Variants in SCN9A observed in about 807,000 individuals in gnomAD.
SCN9A encodes the protein sodium channel protein type 9 subunit alpha.
Under a neutral mutation model 187.0 loss-of-function variants are expected in SCN9A, and 131 were observed. That is an observed-to-expected ratio of 0.70 (90% CI 0.61 to 0.81). SCN9A has a LOEUF of 0.81. SCN9A is among the 30% of genes least tolerant of loss of function. The pLI, the probability that SCN9A is intolerant of heterozygous loss-of-function variation, is 0.00. For missense variants in SCN9A, 2,252 were observed against 2,396.6 expected (o/e 0.94, Z 1.26); for synonymous variants, 809 against 808.6 (o/e 1.00, Z -0.01).
intron 1 of SCN9A, among the ~76,000 whole-genome samples, chr2:166,316,771 G>A (rs538381958): frequency 2.0e-5 from 3 of 152,214 alleles, no homozygotes; most frequent in Middle Eastern, 3.4e-3. Context: ...ACGTGAATTC[G>A]TTTATATTGC....
At chr2:166,293,980 C>T (rs1271078853) in intron 8 of SCN9A, among the ~76,000 whole-genome samples, 1 of 152,128 alleles carries the variant, frequency 6.6e-6, no homozygotes, top group Non-Finnish European at 1.5e-5. Context: ...CCAGTTTATT[C>T]CTATGTTGCC....
chr2:166,292,582 A>G (rs1245502558), intron 9 of SCN9A, among the ~76,000 whole-genome samples: 5 of 152,174 alleles, frequency 3.3e-5, no homozygotes, highest in East Asian at 1.9e-4. Context: ...TATGTGTACT[A>G]TAGAATAATC....
At chr2:166,210,613 A>G (rs2106358048) in intron 24 of SCN9A, among the ~76,000 whole-genome samples, 1 of 151,752 alleles carries the variant, frequency 6.6e-6, no homozygotes, top group East Asian at 1.9e-4. Flanking sequence ...ATGGGACATC[A>G]TTAAGTGGAA....
intron 24 of SCN9A, among the ~76,000 whole-genome samples, chr2:166,213,780 G>A (rs1456440228): frequency 3.3e-5 from 5 of 152,136 alleles, no homozygotes; most frequent in East Asian, 3.9e-4. Context: ...TCTCATGGAC[G>A]TACCAAGTAA....
At chr2:166,338,357 T>C (rs937526481) in intron 1 of SCN9A, among the ~76,000 whole-genome samples, 1 of 152,082 alleles carries the variant, frequency 6.6e-6, no homozygotes, top group Non-Finnish European at 1.5e-5. Context: ...TTTTTCTCTT[T>C]CGGTGCTCTT....
intron 17 of SCN9A, among the ~76,000 whole-genome samples, chr2:166,264,873 A>G (rs1360745785): frequency 2.0e-5 from 3 of 151,984 alleles, no homozygotes; most frequent in Non-Finnish European, 2.9e-5. Flanking sequence ...AAAGAAAATA[A>G]TATCTCAGAA....
intron 20 of SCN9A, among the ~76,000 whole-genome samples, chr2:166,237,387 C>T (rs115165622): frequency 0.021 from 3,135 of 151,844 alleles, 120 homozygotes; most frequent in African/African-American, 0.072. Context: ...ATGTATTTTC[C>T]ATCATCCAAG....
intron 1 of SCN9A, among the ~76,000 whole-genome samples, chr2:166,331,327 G>A (rs1244522812): frequency 1.3e-5 from 2 of 152,108 alleles, no homozygotes; most frequent in African/African-American, 4.8e-5. Context: ...ATTTCTCTGA[G>A]TTTTACAACT....
At chr2:166,278,004 T>A (rs1489559325) in intron 15 of SCN9A, 136 bp downstream of exon 15, 1 of 632,626 alleles carries the variant, frequency 1.6e-6, no homozygotes, top group Non-Finnish European at 2.6e-6. Flanking sequence ...TGTCAATGAA[T>A]GGATTTTATT....
intron 1 of SCN9A, among the ~76,000 whole-genome samples, chr2:166,331,432 G>C (rs1241497779): frequency 6.6e-6 from 1 of 152,168 alleles, no homozygotes; most frequent in African/African-American, 2.4e-5. Flanking sequence ...TAAGATATCA[G>C]AGCCTGTACA....
intron 20 of SCN9A, among the ~76,000 whole-genome samples, chr2:166,235,046 G>T (rs79042869): frequency 0.021 from 3,143 of 152,228 alleles, 120 homozygotes; most frequent in African/African-American, 0.072. Context: ...CCACCAGCAA[G>T]AAAGTTCCCA....
intron 18 of SCN9A, among the ~76,000 whole-genome samples, chr2:166,244,136 T>A (rs116838518): frequency 1.3e-5 from 2 of 151,972 alleles, no homozygotes; most frequent in African/African-American, 4.8e-5. Flanking sequence ...TGCCTGTGAA[T>A]TGTTTAAATA....
intron 17 of SCN9A, among the ~76,000 whole-genome samples, chr2:166,271,216 G>C (rs1696969458): frequency 6.6e-6 from 1 of 152,000 alleles, no homozygotes; most frequent in African/African-American, 2.4e-5. Context: ...AATGAGAAGG[G>C]ACTACATCCA....
chr2:166,233,683 A>C (rs1436567024), intron 20 of SCN9A, among the ~76,000 whole-genome samples: 1 of 152,244 alleles, frequency 6.6e-6, no homozygotes, highest in East Asian at 1.9e-4. Context: ...ATGTAAGCAA[A>C]GTAAGTTGTT....
intron 19 of SCN9A, among the ~76,000 whole-genome samples, chr2:166,239,692 C>T (rs867555545): frequency 5.9e-5 from 9 of 152,078 alleles, no homozygotes; most frequent in East Asian, 1.9e-4. Flanking sequence ...CCATCTAAAC[C>T]GAAACTATGG....
intron 24 of SCN9A, among the ~76,000 whole-genome samples, chr2:166,217,089 G>T (rs1694363485): frequency 6.6e-6 from 1 of 152,000 alleles, no homozygotes; most frequent in Non-Finnish European, 1.5e-5. Context: ...CAGCAAAGGT[G>T]CAAAGAATAA....
At chr2:166,369,847 T>A (rs892944699) in intron 1 of SCN9A, among the ~76,000 whole-genome samples, 4 of 152,210 alleles carry the variant, frequency 2.6e-5, no homozygotes, top group Non-Finnish European at 5.9e-5. Context: ...AATTTTAATT[T>A]TTTTGTAGAA....
At chr2:166,312,584 T>A (rs991159077) in intron 1 of SCN9A, among the ~76,000 whole-genome samples, 1 of 152,184 alleles carries the variant, frequency 6.6e-6, no homozygotes, top group African/African-American at 2.4e-5. Flanking sequence ...AGATTTTCAA[T>A]TTACTTTTCC....
chr2:166,204,450 G>A lies in SCN9A; in HGVS notation c.4413C>T (p.Asp1471=), dbSNP rs727504144. 1.3e-6 allele frequency: 2 copies of A among 1,572,602 alleles called. No individual in the cohort carries two copies. Among genetic ancestry groups the A allele is most frequent in the Non-Finnish European group, 1.7e-6 (2 of 1,165,996 alleles). ...TCTTCTGTTCTTCTGTCATAAAGAT[G>A]TCTTGACCTCCAAGGTAAAGAAACA... ...NQQKKKLGGQ[D]IFMTEEQKKY... is the part of the protein sequence containing the mutation. The change falls in exon 25 of 27, where the codon GAC becomes GAT. Residue 1471 remains aspartate (D), a synonymous_variant. Coordinates refer to ENST00000642356, the MANE Select transcript of SCN9A (RefSeq NM_001365536.1).
Sources: gnomAD v4.1 joint callset for allele counts (sites outside exome capture counted in the v4.1 genomes callset) on GRCh38, gnomAD v4.1.1 for gene constraint, MANE v1.5 for transcripts, NCBI Gene and HGNC (gene_info 2026-07-23, HGNC 2026-07-21) for gene names.